The following TLL1 variants were observed in gnomAD, a reference collection of about 807,000 sequenced individuals.
The protein encoded by TLL1 is tolloid like 1.
TLL1 carries 49 observed loss-of-function variants against 128.2 expected under a neutral mutation model. That is an observed-to-expected ratio of 0.38 (90% CI 0.30 to 0.48). The LOEUF (loss-of-function observed/expected upper bound fraction) is 0.48. Ranked by LOEUF, TLL1 falls within the 20% of genes least tolerant of loss-of-function variation. The probability of loss-of-function intolerance (pLI) is 0.96; values close to 1 mark genes in which losing one functional copy is unlikely to be tolerated. For missense variants in TLL1, 1,123 were observed against 1,242.0 expected, an observed-to-expected ratio of 0.90 and a Z score of 1.44; for synonymous variants, 454 against 418.8, an observed-to-expected ratio of 1.08 and a Z score of -1.03.
At chr4:165,948,646 T>A (rs1041718599) in intron 1 of TLL1, among the ~76,000 whole-genome samples, 1 of 152,138 alleles carries the variant, frequency 6.6e-6, no homozygotes, top group Non-Finnish European at 1.5e-5. Context: ...AGGCTTCTCT[T>A]CCTGTCCCAG....
intron 13 of TLL1, 64 bp from the exon 14 acceptor site, chr4:166,057,120 C>T: frequency 1.3e-6 from 2 of 1,596,084 alleles, no homozygotes; most frequent in Non-Finnish European, 1.7e-6. Flanking sequence ...CACAGCCAAA[C>T]CATTTCACAT....
intron 1 of TLL1, among the ~76,000 whole-genome samples, chr4:165,962,989 A>G (rs1447810389): frequency 7.7e-6 from 1 of 129,500 alleles, no homozygotes; most frequent in Non-Finnish European, 1.6e-5. Context: ...GAGGAGGCGG[A>G]GGTTATAGTG....
intron 1 of TLL1, among the ~76,000 whole-genome samples, chr4:165,942,394 C>A (rs59691172): frequency 0.036 from 5,438 of 151,822 alleles, 290 homozygotes; most frequent in African/African-American, 0.12. Flanking sequence ...AAAAACAATA[C>A]TGTGGGCTCC....
intron 1 of TLL1, among the ~76,000 whole-genome samples, chr4:165,927,000 A>T (rs974756786): frequency 2.6e-5 from 4 of 152,164 alleles, no homozygotes; most frequent in African/African-American, 9.7e-5. Flanking sequence ...TTGACTATTT[A>T]TGTTTGTTCC....
intron 9 of TLL1, among the ~76,000 whole-genome samples, chr4:166,034,771 C>T (rs1327068242): frequency 1.3e-5 from 2 of 152,074 alleles, no homozygotes; most frequent in African/African-American, 4.8e-5. Flanking sequence ...CCATTAATGC[C>T]TCTATAACAA....
intron 16 of TLL1, among the ~76,000 whole-genome samples, chr4:166,073,001 A>G (rs1740859838): frequency 1.3e-5 from 2 of 152,072 alleles, no homozygotes; most frequent in African/African-American, 2.4e-5. Context: ...GCTTCACTCT[A>G]TCGGGTCTTA....
chr4:166,064,190 A>T (rs111376995), intron 15 of TLL1, among the ~76,000 whole-genome samples: 3,696 of 152,152 alleles, frequency 0.024, 145 homozygotes, highest in African/African-American at 0.08. Context: ...TTATTTTTAT[A>T]CTATTTTTAG....
intron 1 of TLL1, among the ~76,000 whole-genome samples, chr4:165,895,966 G>A (rs1731657351): frequency 6.6e-6 from 1 of 152,090 alleles, no homozygotes; most frequent in African/African-American, 2.4e-5. Context: ...TAAGTTCAGG[G>A]ATACATGTGC....
At chr4:165,954,246 G>A (rs1248623986) in intron 1 of TLL1, among the ~76,000 whole-genome samples, 1 of 152,086 alleles carries the variant, frequency 6.6e-6, no homozygotes, top group Non-Finnish European at 1.5e-5. Context: ...GTTTTGGGGT[G>A]AGATTGACTA....
chr4:166,036,038 G>A (rs981977761), intron 9 of TLL1, among the ~76,000 whole-genome samples: 5 of 152,104 alleles, frequency 3.3e-5, no homozygotes. Flanking sequence ...AGTCTAATTG[G>A]CAAGGTTTGT....
At chr4:166,063,760 A>G (rs1373992065) in intron 15 of TLL1, among the ~76,000 whole-genome samples, 1 of 152,142 alleles carries the variant, frequency 6.6e-6, no homozygotes, top group Non-Finnish European at 1.5e-5. Flanking sequence ...CAAACACTGC[A>G]TGCTCTCATT....
chr4:166,014,010 C>T (rs1299310443), intron 7 of TLL1, among the ~76,000 whole-genome samples: 1 of 151,450 alleles, frequency 6.6e-6, no homozygotes, highest in Non-Finnish European at 1.5e-5. Flanking sequence ...TTGTTTTACT[C>T]TTAACAATTT....
intron 5 of TLL1, among the ~76,000 whole-genome samples, chr4:166,002,958 TGACA>T (rs1364053186): frequency 5.3e-5 from 8 of 152,180 alleles, no homozygotes; most frequent in Non-Finnish European, 7.3e-5. Context: ...ATAACCACAC[TGACA>T]AAGTAGTAAC....
chr4:166,043,516 C>A, intron 12 of TLL1, 97 bp downstream of exon 12: 1 of 1,557,958 alleles, frequency 6.4e-7, no homozygotes, highest in Non-Finnish European at 8.8e-7. Flanking sequence ...AACAGAGAGT[C>A]AGCCTTTTAA....
intron 7 of TLL1, among the ~76,000 whole-genome samples, chr4:166,011,326 G>C (rs1737687273): frequency 6.6e-6 from 1 of 151,414 alleles, no homozygotes; most frequent in African/African-American, 2.4e-5. Context: ...TCTTTCAGCA[G>C]TGTCTTTAGT....
At chr4:166,066,769 A>G (rs1399020745) in intron 16 of TLL1, among the ~76,000 whole-genome samples, 1 of 151,768 alleles carries the variant, frequency 6.6e-6, no homozygotes, top group Non-Finnish European at 1.5e-5. Context: ...GAGCCTCCAG[A>G]ATACAATGGA....
At chr4:165,878,559 G>C (rs1730823931) in intron 1 of TLL1, among the ~76,000 whole-genome samples, 1 of 151,956 alleles carries the variant, frequency 6.6e-6, no homozygotes, top group Non-Finnish European at 1.5e-5. Context: ...CTGTTGTTAG[G>C]TGTGAAAAAG....
At chr4:165,932,490 A>G (rs918326278) in intron 1 of TLL1, among the ~76,000 whole-genome samples, 1 of 152,200 alleles carries the variant, frequency 6.6e-6, no homozygotes, top group African/African-American at 2.4e-5. Flanking sequence ...AGGATGACTT[A>G]TAAATCCTTC....
In TLL1 at chr4:166,100,839, G is replaced by A. The variant is rs780668653; in HGVS notation, c.3005G>A (p.Ser1002Asn). Reference protein sequence around the residue: ...NKKGFHIRYKSIRYPDTTHTK... With the variant: ...NKKGFHIRYKNIRYPDTTHTK... The stretch of plus-strand genomic sequence containing the variant: ...AAGGGATTTCATATAAGATACAAAA[G>A]CATAAGATATCCAGATACCACACAT... Residue 1002 changes from serine to asparagine, a missense_variant, in exon 21 of 21, where the codon AGC (serine) becomes AAC (asparagine). By Grantham distance (46) the Ser-to-Asn change is conservative (BLOSUM62 1). Around this residue, in one of 3 missense-constraint regions of TLL1, gnomAD observed 634 missense variants for 672.4 expected, o/e 0.94. Coordinates refer to ENST00000061240, the MANE Select transcript of TLL1 (RefSeq NM_012464.5). 6 of 1,612,788 alleles carry A rather than the reference G, an allele frequency of 3.7e-6. No individual in the cohort carries two copies. Among genetic ancestry groups the A allele is most frequent in the South Asian group, 1.1e-5 (1 of 91,078 alleles).
Sources: gnomAD v4.1 joint callset for allele counts (sites outside exome capture counted in the v4.1 genomes callset) on GRCh38, gnomAD v4.1.1 for gene constraint, gnomAD v4.1.1 regional missense constraint, MANE v1.5 for transcripts, NCBI Gene and HGNC (gene_info 2026-07-23, HGNC 2026-07-21) for gene names.